CHST8: variants seen among roughly 807,000 people sequenced by gnomAD.
CHST8 encodes carbohydrate sulfotransferase 8, also known as GALNAC-4-ST1.
In CHST8, 10 loss-of-function variants were observed where a neutral mutation model predicts 15.0. That is an observed-to-expected ratio of 0.67 (90% CI 0.41 to 1.13). The LOEUF is 1.13. Among genes scored for constraint, CHST8 ranks in the 50% most tolerant of loss-of-function variants. The pLI, the probability that CHST8 is intolerant of heterozygous loss-of-function variation, is 0.00. For missense variants in CHST8, 634 were observed against 608.2 expected (o/e 1.04, Z -0.45); for synonymous variants, 259 against 256.6 (o/e 1.01, Z -0.09).
intron 2 of CHST8, among the ~76,000 whole-genome samples, chr19:33,674,364 TG>T (rs977899218): frequency 1.3e-5 from 2 of 152,206 alleles, no homozygotes; most frequent in African/African-American, 4.8e-5. Flanking sequence ...GGGGAGGGGC[TG>T]GGTCCCACTC....
At chr19:33,714,424 A>G (rs1370947790) in intron 3 of CHST8, among the ~76,000 whole-genome samples, 2 of 152,224 alleles carry the variant, frequency 1.3e-5, no homozygotes, top group African/African-American at 4.8e-5. Context: ...ACATGTTCTC[A>G]GTAAGTGGGA....
intron 3 of CHST8, among the ~76,000 whole-genome samples, chr19:33,722,019 A>G (rs1480905490): frequency 6.9e-6 from 1 of 145,440 alleles, no homozygotes; most frequent in African/African-American, 2.6e-5. Flanking sequence ...ATGGACAGAT[A>G]GGTAGTGAGT....
intron 1 of CHST8, among the ~76,000 whole-genome samples, chr19:33,633,777 G>A (rs1972155844): frequency 1.6e-5 from 1 of 61,902 alleles, no homozygotes; most frequent in South Asian, 3.8e-4. Flanking sequence ...TCTTTTTCGT[G>A]TGTGTGTGTG....
At chr19:33,675,839 G>A (rs1399276009) in intron 2 of CHST8, among the ~76,000 whole-genome samples, 3 of 152,208 alleles carry the variant, frequency 2.0e-5, no homozygotes, top group Non-Finnish European at 4.4e-5. Context: ...TCCCTCAGCT[G>A]ATTTTGCACA....
At position 33,705,153 on chromosome 19, in the gene CHST8, G is replaced by A. The variant is rs112377071; in HGVS notation, c.130+15762G>A. ...TGCCTGCTCTCCCTATACCCCCTGG[G>A]AGGACACAGAGGAGGTGGGTCTCCT... On this transcript the variant is annotated intron_variant, in intron 3 of 4. Transcript: ENST00000650847. 9.8e-3 allele frequency among the ~76,000 whole-genome samples: 1,498 copies of A among 152,220 alleles called. 14 individuals carry two copies. The highest frequency in any genetic ancestry group is 0.044 in the Middle Eastern group (13 of 294).
rs559649941 is a variant in CHST8 at position 33,636,418 on chromosome 19, G to A, written c.-164+14122G>A. ...CGGCTTCAGGCTTGGGCCCTATGCA[G>A]TATTTCACGTCTCACCACTACGGGT... On this transcript the variant is annotated intron_variant, in intron 1 of 4. Coordinates refer to ENST00000650847, the MANE Select transcript of CHST8 (RefSeq NM_001127895.2). 1.2e-4 allele frequency among the ~76,000 whole-genome samples: 19 copies of A among 152,280 alleles called. No individual in the cohort carries two copies. The East Asian group carries it at 3.7e-3, about 29-fold the overall frequency.
chr19:33,744,922 T>C (rs997109939), intron 3 of CHST8, among the ~76,000 whole-genome samples: 1 of 152,166 alleles, frequency 6.6e-6, no homozygotes, highest in Admixed American at 6.5e-5. Context: ...CTAATTTTTG[T>C]ATTTTTAGTA....
At chr19:33,736,056 A>C (rs1283805194) in intron 3 of CHST8, among the ~76,000 whole-genome samples, 1 of 152,230 alleles carries the variant, frequency 6.6e-6, no homozygotes, top group Non-Finnish European at 1.5e-5. Flanking sequence ...ACAGAGACAG[A>C]CATGGGGCCG....
intron 2 of CHST8, among the ~76,000 whole-genome samples, chr19:33,683,122 T>C (rs1455622425): frequency 6.6e-6 from 1 of 152,174 alleles, no homozygotes; most frequent in Admixed American, 6.5e-5. Flanking sequence ...GATGGCACCA[T>C]GCCATTCATG....
chr19:33,673,880 G>A (rs529849165), intron 2 of CHST8, among the ~76,000 whole-genome samples: 1 of 152,232 alleles, frequency 6.6e-6, no homozygotes, highest in South Asian at 2.1e-4. Context: ...CAGCTTCCCG[G>A]GTAGATGGGA....
intron 3 of CHST8, among the ~76,000 whole-genome samples, chr19:33,771,000 G>C (rs1304231512): frequency 6.6e-6 from 1 of 152,148 alleles, no homozygotes; most frequent in East Asian, 1.9e-4. Flanking sequence ...GGGGTGTGGA[G>C]AGAGAGTGGA....
chr19:33,751,754 T>C lies in CHST8; in HGVS notation c.131-19659T>C, dbSNP rs529759754. ...GATGAGGGTGACCCACTTAACCTCTTTGAGACTCAGTGAGTGCCCTCATGC... is the reference window on the plus strand; with the variant it reads ...GATGAGGGTGACCCACTTAACCTCTCTGAGACTCAGTGAGTGCCCTCATGC... On this transcript the variant is annotated intron_variant, in intron 3 of 4. Coordinates refer to ENST00000650847, the MANE Select transcript of CHST8 (RefSeq NM_001127895.2). Among the ~76,000 whole-genome samples, 3 of 152,320 alleles carry C rather than the reference T, an allele frequency of 2.0e-5. No individual in the cohort carries two copies. The East Asian group carries it at 5.8e-4, about 29-fold the overall frequency.
intron 3 of CHST8, among the ~76,000 whole-genome samples, chr19:33,758,630 T>C (rs1974653993): frequency 6.6e-6 from 1 of 152,204 alleles, no homozygotes. Flanking sequence ...GGACCGATCA[T>C]TTTCTTGCAG....
chr19:33,692,259 A>G (rs1973111966), intron 3 of CHST8, among the ~76,000 whole-genome samples: 1 of 152,264 alleles, frequency 6.6e-6, no homozygotes, highest in Non-Finnish European at 1.5e-5. Flanking sequence ...TCACTTCTCC[A>G]GTTATAATTC....
At chr19:33,675,892 C>T (rs916502689) in intron 2 of CHST8, among the ~76,000 whole-genome samples, 2 of 152,228 alleles carry the variant, frequency 1.3e-5, no homozygotes, top group African/African-American at 4.8e-5. Flanking sequence ...CCAGGGGTCA[C>T]GTGCCTTTCC....
At chr19:33,650,518 CTTTTTTTTTTTTTTT>C (rs869057036) in intron 1 of CHST8, among the ~76,000 whole-genome samples, 5 of 36,108 alleles carry the variant, frequency 1.4e-4, no homozygotes, top group South Asian at 1.1e-3. Context: ...TTTTTCTTTT[CTTTTTTTTTTTTTTT>C]TTTTTTTTTT....
chr19:33,727,363 G>A (rs976552504), intron 3 of CHST8, among the ~76,000 whole-genome samples: 8 of 152,048 alleles, frequency 5.3e-5, no homozygotes. Context: ...CCAAGGAGTC[G>A]CCGTATGTGT....
chr19:33,656,780 C>T (rs550625626), intron 1 of CHST8, among the ~76,000 whole-genome samples: 3 of 152,134 alleles, frequency 2.0e-5, no homozygotes, highest in African/African-American at 4.8e-5. Flanking sequence ...CTCAAGTGAC[C>T]CTCCTGCCTT....
chr19:33,727,647 T>G (rs915436908), intron 3 of CHST8, among the ~76,000 whole-genome samples: 1 of 152,210 alleles, frequency 6.6e-6, no homozygotes, highest in East Asian at 1.9e-4. Context: ...TTTGCTCCCA[T>G]TTCCTCCAGG....
Sources: allele counts gnomAD v4.1 joint callset (sites outside exome capture counted in the v4.1 genomes callset), GRCh38; gene constraint gnomAD v4.1.1; transcripts MANE v1.5; gene names NCBI Gene and HGNC (gene_info 2026-07-23, HGNC 2026-07-21).